Variants in C9orf43 observed in about 807,000 individuals in gnomAD.
C9orf43 encodes chromosome 9 open reading frame 43.
In C9orf43, 45 loss-of-function variants were observed where a neutral mutation model predicts 59.1. The ratio of observed to expected loss-of-function variants is 0.76; its 90% CI spans 0.60 to 0.98. The LOEUF (loss-of-function observed/expected upper bound fraction) is 0.98, where lower values mean the gene tolerates loss of function less well. Ranked by LOEUF, C9orf43 falls within the 50% of genes least tolerant of loss-of-function variation. The pLI is 0.00. For synonymous variants in C9orf43, 203 were observed against 196.8 expected (o/e 1.03, Z -0.26); for missense variants, 533 against 554.9 (o/e 0.96, Z 0.40).
intron 3 of C9orf43, among the ~76,000 whole-genome samples, chr9:113,416,579 C>T (rs1349523689): frequency 1.3e-5 from 2 of 152,188 alleles, no homozygotes; most frequent in Non-Finnish European, 2.9e-5. Flanking sequence ...GAGTAGGCTG[C>T]AGCTGCACTG....
chr9:113,429,521 AC>A lies in C9orf43; in HGVS notation c.*137del. 1 of 691,436 alleles carries A rather than the reference AC, an allele frequency of 1.4e-6. No individual in the cohort carries two copies. The highest frequency in any genetic ancestry group is 2.5e-6 in the Non-Finnish European group (1 of 407,696). 42.8% of individuals were successfully genotyped at this position (691,436 alleles called of 1,614,324 possible). ...GGGGCTTCTGCTCTCTGGAGCCTTT[AC>A]CAGGGCCTGAGCTCTGAGCTTAGGG... On this transcript the variant is annotated 3_prime_UTR_variant, in exon 14 of 14. Transcript: ENST00000374165.
intron 1 of C9orf43, among the ~76,000 whole-genome samples, chr9:113,411,548 C>G (rs1215227850): frequency 3.3e-5 from 5 of 152,196 alleles, no homozygotes; most frequent in Non-Finnish European, 7.3e-5. Flanking sequence ...ATCCGCCCGC[C>G]TCGGTCTCCC....
At chr9:113,418,217 C>G (rs1034052891) in intron 3 of C9orf43, among the ~76,000 whole-genome samples, 1 of 152,204 alleles carries the variant, frequency 6.6e-6, no homozygotes, top group Non-Finnish European at 1.5e-5. Context: ...TTAACAGCAA[C>G]TCCCCATTCC....
At position 113,425,395 on chromosome 9, in the gene C9orf43, A is replaced by G; in HGVS notation, c.917A>G (p.Lys306Arg). 2 of 1,614,102 alleles carry G rather than the reference A, an allele frequency of 1.2e-6. No homozygotes were observed. Among genetic ancestry groups the G allele is most frequent in the South Asian group, 2.2e-5 (2 of 91,078 alleles). ...CAGCAGCAGCAGCAGCAACAGAAGAAGGTGAAAACACCTATTAAGAAACAG... is the reference window on the plus strand; with the variant it reads ...CAGCAGCAGCAGCAGCAACAGAAGAGGGTGAAAACACCTATTAAGAAACAG... ...RQQQQQQQQK[K>R]VKTPIKKQEA... Residue 306 changes from lysine (K) to arginine (R), a missense_variant, in exon 10 of 14, where the codon AAG becomes AGG. Coordinates refer to ENST00000374165, the MANE Select transcript of C9orf43 (RefSeq NM_001278629.2).
intron 4 of C9orf43, 134 bp downstream of exon 4, chr9:113,419,299 A>G: frequency 3.1e-6 from 2 of 654,598 alleles, no homozygotes; most frequent in Non-Finnish European, 5.2e-6. Context: ...TAACCATCTA[A>G]TATTGGGCCC....
intron 5 of C9orf43, 27 bp from the exon 6 acceptor site, chr9:113,422,522 G>T (rs1336713901): frequency 6.2e-7 from 1 of 1,612,450 alleles, no homozygotes. Flanking sequence ...AGCATGTTTT[G>T]TTTTGTTTTG....
At position 113,419,173 on chromosome 9, in the gene C9orf43, A is replaced by G. The variant is rs1323141190; in HGVS notation, c.345+8A>G. On this transcript the variant is annotated splice_region_variant and intron_variant, in intron 4 of 13. Coordinates refer to ENST00000374165, the MANE Select transcript of C9orf43 (RefSeq NM_001278629.2). ...ACTAACAGACTTCCCAAAGTAAGTC[A>G]TAGATTTTAAAAGTACTTCTTCAAC... 6.2e-7 allele frequency: 1 copy of G among 1,600,924 alleles called. No individual in the cohort carries two copies. Among genetic ancestry groups the G allele is most frequent in the East Asian group, 2.2e-5 (1 of 44,686 alleles).
intron 12 of C9orf43, among the ~76,000 whole-genome samples, chr9:113,428,574 C>T (rs929722086): frequency 1.3e-5 from 2 of 152,158 alleles, no homozygotes; most frequent in African/African-American, 2.4e-5. Context: ...AAGTCCATCC[C>T]AGAGAGTAAA....
At chr9:113,424,446 A>C in intron 8 of C9orf43, 130 bp downstream of exon 8, 1 of 954,764 alleles carries the variant, frequency 1.0e-6, no homozygotes, top group African/African-American at 1.6e-5. Flanking sequence ...CATGCCCCAG[A>C]GAAGGCTGGG....
At chr9:113,424,915 A>C (rs182197635) in intron 8 of C9orf43, 104 bp from the exon 9 acceptor site, 47 of 983,986 alleles carry the variant, frequency 4.8e-5, no homozygotes, top group Admixed American at 2.2e-4. Context: ...CTGGGTTCTT[A>C]AAATGTGCTT....
chr9:113,425,341 C>G lies in C9orf43; in HGVS notation c.866-3C>G. 1 of 1,613,832 alleles carries G rather than the reference C, an allele frequency of 6.2e-7. No individual in the cohort carries two copies. ...AGGATCAAGCTGGCTCTCTGGTCAC[C>G]AGGTTACAGGAAACAGCAGCAGCGG... On this transcript the variant is annotated splice_region_variant and splice_polypyrimidine_tract_variant and intron_variant, in intron 9 of 13. Coordinates refer to ENST00000374165, the MANE Select transcript of C9orf43 (RefSeq NM_001278629.2).
At chr9:113,414,596 G>A (rs1010958590) in intron 3 of C9orf43, among the ~76,000 whole-genome samples, 1 of 152,018 alleles carries the variant, frequency 6.6e-6, no homozygotes, top group Admixed American at 6.6e-5. Context: ...CTCTCCCTAT[G>A]TGTTAACATG....
intron 3 of C9orf43, among the ~76,000 whole-genome samples, chr9:113,417,550 A>G (rs1828411780): frequency 1.3e-5 from 2 of 152,222 alleles, no homozygotes; most frequent in Admixed American, 1.3e-4. Context: ...GAGTGTCATG[A>G]GAGGACCGCC....
intron 7 of C9orf43, 101 bp from the exon 8 acceptor site, chr9:113,424,065 A>G: frequency 7.1e-7 from 1 of 1,416,440 alleles, no homozygotes; most frequent in Non-Finnish European, 9.5e-7. Context: ...TTTCAGACCC[A>G]AAGTGGAAAT....
At chr9:113,415,590 C>T (rs542486070) in intron 3 of C9orf43, among the ~76,000 whole-genome samples, 1 of 152,148 alleles carries the variant, frequency 6.6e-6, no homozygotes, top group African/African-American at 2.4e-5. Context: ...AGCCACCATG[C>T]CCGGCCCCTG....
At chr9:113,414,004 C>A (rs1451564438) in intron 3 of C9orf43, 110 bp downstream of exon 3, 2 of 1,225,950 alleles carry the variant, frequency 1.6e-6, no homozygotes, top group South Asian at 1.5e-5. Flanking sequence ...AAGAAAATAC[C>A]AATTGGGTTA....
intron 8 of C9orf43, 135 bp downstream of exon 8, chr9:113,424,451 G>A (rs1828705772): frequency 1.1e-6 from 1 of 903,064 alleles, no homozygotes; most frequent in Non-Finnish European, 1.7e-6. Flanking sequence ...CCCAGAGAAG[G>A]CTGGGCTCTA....
In C9orf43 at chr9:113,422,515, A is replaced by ATGTTT. The variant is rs749623121; in HGVS notation, c.447-12_447-8dup. 207 of 1,609,692 alleles carry ATGTTT rather than the reference A, an allele frequency of 1.3e-4. 1 individual carries two copies. In the African/African-American group the frequency reaches 1.8e-3, roughly 14 times the overall value. On this transcript the variant is annotated intron_variant, in intron 5 of 13. Coordinates refer to ENST00000374165, the MANE Select transcript of C9orf43 (RefSeq NM_001278629.2). ...CTTATTTCAAGTCCAGCTGAGAAGC[A>ATGTTT]TGTTTTGTTTTGTTTTGTTTTGTTT... is the stretch of plus-strand genomic sequence containing the variant.
Position 113,425,044 on chromosome 9 carries a change from G to A in C9orf43, c.833G>A (p.Arg278His), listed in dbSNP as rs749735235. 1.7e-5 allele frequency: 27 copies of A among 1,612,760 alleles called. No individual in the cohort carries two copies. The East Asian group carries it at 2.2e-4, about 13-fold the overall frequency. Residue 278 changes from arginine (R) to histidine (H), a missense_variant, in exon 9 of 14, where the codon CGT (arginine) becomes CAT (histidine). Coordinates refer to ENST00000374165, the MANE Select transcript of C9orf43 (RefSeq NM_001278629.2). ...LERPALRYPERLKKLHNLKTE... is the reference protein window; with the variant it reads ...LERPALRYPEHLKKLHNLKTE... ...AGACCAGCACTGCGATATCCTGAAC[G>A]TTTGAAGAAATTACATAACCTGAAG...
Sources: gnomAD v4.1 joint callset for allele counts (sites outside exome capture counted in the v4.1 genomes callset) on GRCh38, gnomAD v4.1.1 for gene constraint, MANE v1.5 for transcripts, NCBI Gene and HGNC (gene_info 2026-07-23, HGNC 2026-07-21) for gene names.